The following IGFN1 variants were observed in gnomAD, a reference collection of about 807,000 sequenced individuals.
IGFN1 encodes immunoglobulin like and fibronectin type III domain containing 1.
In IGFN1, 253 loss-of-function variants were observed where a neutral mutation model predicts 289.5. That is an observed-to-expected ratio of 0.87 (90% CI 0.79 to 0.97). The LOEUF is 0.97. IGFN1 is among the 50% of genes least tolerant of loss of function. The pLI, the probability that IGFN1 is intolerant of heterozygous loss-of-function variation, is 0.00. For missense variants in IGFN1, 4,470 were observed against 4,686.1 expected, an observed-to-expected ratio of 0.95 and a Z score of 1.35; for synonymous variants, 1,706 against 1,788.5, an observed-to-expected ratio of 0.95 and a Z score of 1.16.
chr1:201,206,561 A>T lies in IGFN1; in HGVS notation c.1668A>T (p.Ala556=). The change falls in exon 12 of 24, where the codon GCA becomes GCT. Residue 556 remains alanine (A), a synonymous_variant. Coordinates refer to ENST00000335211, the MANE Select transcript of IGFN1 (RefSeq NM_001164586.2). ...DSNSDECWRK[A]GGWEAGSSRL... is the part of the protein sequence containing the mutation. ...ACAGTGATGAATGCTGGAGGAAAGC[A>T]GGAGGCTGGGAGGCTGGGTCCAGTC... The T allele has an allele frequency of 6.4e-7, 1 of 1,550,608 alleles. No homozygotes were observed. The highest frequency in any genetic ancestry group is 8.7e-7 in the Non-Finnish European group (1 of 1,146,998).
chr1:201,195,048 G>A, intron 3 of IGFN1, among the ~76,000 whole-genome samples: 1 of 152,050 alleles, frequency 6.6e-6, no homozygotes, highest in East Asian at 1.9e-4. Flanking sequence ...TGAAGCCTGT[G>A]TCTCAGCACC....
chr1:201,225,268 C>G (rs1334939723), intron 21 of IGFN1, among the ~76,000 whole-genome samples: 12 of 152,184 alleles, frequency 7.9e-5, no homozygotes, highest in Non-Finnish European at 1.6e-4. Context: ...AGCCCCTGCC[C>G]TGGAGGAGCT....
Position 201,213,544 on chromosome 1 carries a change from G to A in IGFN1, c.8651G>A (p.Gly2884Glu), listed in dbSNP as rs746318592. The A allele has an allele frequency of 3.7e-6, 6 of 1,614,030 alleles. No individual in the cohort carries two copies. The highest frequency in any genetic ancestry group is 4.5e-5 in the East Asian group (2 of 44,876). Residue 2884 changes from glycine to glutamate, a missense_variant, in exon 12 of 24, where the codon GGA (glycine) becomes GAA (glutamate). Physicochemically the swap from Gly to Glu is moderately conservative, Grantham distance 98. Around this residue, in one of 8 missense-constraint regions of IGFN1, gnomAD observed 2,218 missense variants for 2,114.1 expected, o/e 1.05. Transcript: ENST00000335211. ...SGKDGRLDIY[G>E]ERRDATRSST... ...AAAGACGGCAGGTTGGACATCTATG[G>A]AGAGAGGAGAGATGCTACCCGGAGT...
chr1:201,194,904 G>T, intron 3 of IGFN1, among the ~76,000 whole-genome samples: 1 of 152,206 alleles, frequency 6.6e-6, no homozygotes, highest in Non-Finnish European at 1.5e-5. Context: ...TGAGAAATTG[G>T]GAAGGGCCCT....
chr1:201,220,535 T>C (rs1282440416), intron 18 of IGFN1, among the ~76,000 whole-genome samples: 1 of 152,190 alleles, frequency 6.6e-6, no homozygotes, highest in African/African-American at 2.4e-5. Context: ...GGATAAGCAG[T>C]GTCTAACAGT....
Position 201,226,982 on chromosome 1 carries a change from C to T in IGFN1, c.10887C>T (p.Cys3629=), listed in dbSNP as rs535217137. 2.9e-5 allele frequency: 46 copies of T among 1,613,074 alleles called. No individual in the cohort carries two copies. Among genetic ancestry groups the T allele is most frequent in the South Asian group, 5.5e-5 (5 of 91,066 alleles). ...GLRSHLLPQG[C]ECCMSCAVQG... is the part of the protein sequence containing the mutation. ...GGTCCCACCTGCTGCCCCAGGGCTG[C>T]GAGTGCTGCATGAGCTGTGCCGTGC... The change falls in exon 23 of 24, where the codon TGC becomes TGT. Residue 3629 remains cysteine, a synonymous_variant. Transcript: ENST00000335211.
Position 201,209,254 on chromosome 1 carries a change from C to A in IGFN1, c.4361C>A (p.Ser1454Ter), listed in dbSNP as rs1168377715. The change falls in exon 12 of 24, where the codon TCA (serine) becomes TAA (stop). Residue 1454 changes from serine to a stop codon, truncating the protein, a stop_gained. Coordinates refer to ENST00000335211, the MANE Select transcript of IGFN1 (RefSeq NM_001164586.2). LOFTEE classifies it high-confidence loss of function. ...TTAAGGGGTTCTGGAGAAATGAGGT[C>A]AATGGATGAGGCAGGTTATAGGAAA... ...DGLRGSGEMR[S>*]MDEAGYRKNL... 6 of 1,482,460 alleles carry A rather than the reference C, an allele frequency of 4.0e-6. No homozygotes were observed. Among genetic ancestry groups the A allele is most frequent in the Middle Eastern group, 1.7e-4 (1 of 5,738 alleles). 91.8% of individuals were successfully genotyped at this position (1,482,460 alleles called of 1,614,324 possible). A position where few individuals can be genotyped will look rare whatever the true frequency, so the allele number is the denominator to read the frequency against.
Position 201,200,339 on chromosome 1 carries a change from C to T in IGFN1, c.561C>T (p.Gly187=). 6.4e-7 allele frequency: 1 copy of T among 1,551,766 alleles called. No individual in the cohort carries two copies. The change falls in exon 8 of 24, where the codon GGC becomes GGT. Residue 187 remains glycine, a synonymous_variant. Transcript: ENST00000335211. ...KDYEKICLKY[G]IVDYRGMLRR... is the part of the protein sequence containing the mutation. ...ACGAGAAGATCTGCTTGAAGTATGG[C>T]ATCGTCGACTACCGTGGCATGTTGC...
intron 8 of IGFN1, 92 bp from the exon 9 acceptor site, chr1:201,201,627 G>A: frequency 1.5e-6 from 1 of 681,184 alleles, no homozygotes; most frequent in East Asian, 2.8e-5. Flanking sequence ...AACGCTGTGG[G>A]CCTGGGATGG....
intron 9 of IGFN1, among the ~76,000 whole-genome samples, chr1:201,202,456 TC>T (rs1041286640): frequency 7.2e-5 from 11 of 152,108 alleles, no homozygotes; most frequent in Admixed American, 7.2e-4. Context: ...CTGCTTCTCT[TC>T]CCCTTGTCCC....
chr1:201,214,042 T>C (rs986070922), intron 12 of IGFN1, 135 bp from the exon 13 acceptor site: 5 of 866,794 alleles, frequency 5.8e-6, no homozygotes, highest in Non-Finnish European at 6.8e-6. Context: ...GGAGCCAAGA[T>C]AGCATAGGTG....
intron 21 of IGFN1, among the ~76,000 whole-genome samples, chr1:201,225,136 C>G (rs1444374360): frequency 1.3e-5 from 2 of 152,240 alleles, no homozygotes; most frequent in African/African-American, 4.8e-5. Flanking sequence ...AGTTATCCTT[C>G]CCGTTGAGTC....
chr1:201,195,473 C>T (rs1290790516), intron 3 of IGFN1, among the ~76,000 whole-genome samples: 2 of 152,156 alleles, frequency 1.3e-5, no homozygotes, highest in Non-Finnish European at 2.9e-5. Flanking sequence ...AATCTCATTC[C>T]CTTCCTAGTC....
chr1:201,193,671 C>T (rs1666760881), intron 2 of IGFN1, among the ~76,000 whole-genome samples: 1 of 152,108 alleles, frequency 6.6e-6, no homozygotes, highest in Admixed American at 6.5e-5. Context: ...AGGCTGGTCT[C>T]GAATGCCTGA....
At position 201,209,136 on chromosome 1, in the gene IGFN1, G is replaced by A; in HGVS notation, c.4243G>A (p.Gly1415Arg). 1 of 1,529,548 alleles carries A rather than the reference G, an allele frequency of 6.5e-7. No homozygotes were observed. The highest frequency in any genetic ancestry group is 8.7e-7 in the Non-Finnish European group (1 of 1,143,644). 94.7% of individuals were successfully genotyped at this position (1,529,548 alleles called of 1,614,324 possible). ...LDESGHRNGI[G>R]GYGEMGSGYR... The stretch of plus-strand genomic sequence containing the variant: ...TGAGTCAGGTCATAGGAATGGGATT[G>A]GAGGTTATGGGGAAATGGGGTCAGG... The change falls in exon 12 of 24, where the codon GGA (glycine) becomes AGA (arginine). Residue 1415 changes from glycine (G) to arginine (R), a missense_variant. Physicochemically the swap from Gly to Arg is moderately radical, Grantham distance 125 (BLOSUM62 -2). This residue lies in a region of IGFN1 where 2,011 missense variants were observed against 1,953.4 expected (regional missense o/e 1.03). Transcript: ENST00000335211.
rs767002152 is a variant in IGFN1, at chr1:201,221,668, CG to C, written c.10126del (p.Val3376Ter). 6.2e-7 allele frequency: 1 copy of C among 1,613,994 alleles called. No homozygotes were observed. Among genetic ancestry groups the C allele is most frequent in the Admixed American group, 1.7e-5 (1 of 60,002 alleles). On this transcript the variant is annotated frameshift_variant, in exon 19 of 24. Transcript: ENST00000335211. LOFTEE classifies it high-confidence loss of function. Reference protein sequence around the residue: ...GLRPGEGYFVRVTAVNEGGQS... With the variant: ...GLRPGEGYFVXVTAVNEGGQS... The stretch of plus-strand genomic sequence containing the variant: ...TCGGCCTGGAGAGGGCTACTTCGTG[CG>C]GGTGACAGCAGTTAATGAAGGAGGC...
At chr1:201,215,914 G>T (rs770219928) in intron 15 of IGFN1, 76 bp downstream of exon 15, 26 of 1,414,502 alleles carry the variant, frequency 1.8e-5, no homozygotes, top group East Asian at 2.3e-5. Context: ...TCAAGGGCAG[G>T]CCTGGGATAT....
chr1:201,206,267 CA>C lies in IGFN1; in HGVS notation c.1375del (p.Ser459AlafsTer14), dbSNP rs1186456845. 6.5e-7 allele frequency: 1 copy of C among 1,548,494 alleles called. No homozygotes were observed. Among genetic ancestry groups the C allele is most frequent in the South Asian group, 1.2e-5 (1 of 83,860 alleles). ...GPASGLQHIA[S>X]PDRDGLGRHG... The stretch of plus-strand genomic sequence containing the variant: ...CGGCTTCTGGGCTCCAGCACATAGC[CA>C]GCCCAGACAGGGATGGCCTTGGCAG... On this transcript the variant is annotated frameshift_variant, in exon 12 of 24. Transcript: ENST00000335211. LOFTEE classifies it high-confidence loss of function.
At chr1:201,202,855 A>T (rs1176924888) in intron 9 of IGFN1, among the ~76,000 whole-genome samples, 2 of 150,716 alleles carry the variant, frequency 1.3e-5, no homozygotes, top group African/African-American at 2.4e-5. Context: ...TCCCAGGTTC[A>T]AGTGATTCTC....
Sources: allele counts gnomAD v4.1 joint callset (sites outside exome capture counted in the v4.1 genomes callset), GRCh38; gene constraint gnomAD v4.1.1; regional missense constraint gnomAD v4.1.1; transcripts MANE v1.5; gene names NCBI Gene and HGNC (gene_info 2026-07-23, HGNC 2026-07-21).